The following DPP6 variants were observed in gnomAD, a reference collection of about 807,000 sequenced individuals.
The protein encoded by DPP6 is A-type potassium channel modulatory protein DPP6.
Under a neutral mutation model 122.6 loss-of-function variants are expected in DPP6, and 69 were observed. That is an observed-to-expected ratio of 0.56 (90% CI 0.46 to 0.69). The LOEUF (loss-of-function observed/expected upper bound fraction) is 0.69. DPP6 is among the 30% of genes least tolerant of loss of function. The pLI, the probability that DPP6 is intolerant of heterozygous loss-of-function variation, is 0.00. For synonymous variants in DPP6, 418 were observed against 433.1 expected (o/e 0.97, Z 0.43); for missense variants, 928 against 1,116.9 (o/e 0.83, Z 2.41).
intron 8 of DPP6, among the ~76,000 whole-genome samples, chr7:154,767,779 C>T (rs918522762): frequency 6.6e-6 from 1 of 152,056 alleles, no homozygotes; most frequent in Non-Finnish European, 1.5e-5. Context: ...CTCCATACTC[C>T]GGGATGCACC....
At chr7:154,794,367 T>A (rs1336358229) in intron 11 of DPP6, among the ~76,000 whole-genome samples, 165 bp downstream of exon 11, 1 of 152,200 alleles carries the variant, frequency 6.6e-6, no homozygotes, top group African/African-American at 2.4e-5. Flanking sequence ...CCGGCGTGGC[T>A]GCCACCTCGT....
chr7:154,259,736 G>A (rs1354351091), intron 1 of DPP6, among the ~76,000 whole-genome samples: 6 of 152,164 alleles, frequency 3.9e-5, no homozygotes, highest in South Asian at 2.1e-4. Context: ...TGCTGTCATC[G>A]TTCTGTATCT....
chr7:154,538,225 TC>T (rs1418391618), intron 3 of DPP6, among the ~76,000 whole-genome samples: 4 of 152,158 alleles, frequency 2.6e-5, no homozygotes, highest in Non-Finnish European at 5.9e-5. Context: ...TACGGCATAA[TC>T]TTTTTTATGT....
chr7:154,881,642 C>T lies in DPP6; in HGVS notation c.2133+700C>T, dbSNP rs3800576. On this transcript the variant is annotated intron_variant, in intron 21 of 25. Coordinates refer to ENST00000377770, the MANE Select transcript of DPP6 (RefSeq NM_130797.4). ...AGAGGAGGCCTTGCTGTGACACCCC[C>T]GCAGGTGAAGGCTTGGACAAGTAAT... Among the ~76,000 whole-genome samples the T allele has an allele frequency of 4.7e-4, 72 of 152,352 alleles. No homozygotes were observed. In the East Asian group the frequency reaches 5.6e-3, roughly 12 times the overall value.
intron 1 of DPP6, among the ~76,000 whole-genome samples, chr7:153,903,187 A>G (rs1391318344): frequency 6.6e-6 from 1 of 152,196 alleles, no homozygotes; most frequent in Non-Finnish European, 1.5e-5. Context: ...ACTCAGCCAT[A>G]TACTTGGAGC....
Position 154,483,816 on chromosome 7 carries a change from T to A in DPP6, c.457+8779T>A, listed in dbSNP as rs1003487920. ...TTCAAGCGATTCTCCTGCCTCAGCC[T>A]CCCTAGTAGCTGGGATTACAGGTGC... On this transcript the variant is annotated intron_variant, in intron 3 of 25. Coordinates refer to ENST00000377770, the MANE Select transcript of DPP6 (RefSeq NM_130797.4). This position sits in a 1 kb window ranked among gnomAD's most constrained non-coding sequence, Gnocchi z 8.1. Among the ~76,000 whole-genome samples the A allele has an allele frequency of 6.6e-6, 1 of 152,192 alleles. No homozygotes were observed. Among genetic ancestry groups the A allele is most frequent in the Admixed American group, 6.5e-5 (1 of 15,282 alleles).
In DPP6 at chr7:154,892,966, G is replaced by C. The variant is rs1255434240; in HGVS notation, c.*486G>C. The C allele has an allele frequency of 3.9e-6, 2 of 517,596 alleles. No homozygotes were observed. The highest frequency in any genetic ancestry group is 7.7e-6 in the Non-Finnish European group (2 of 258,526). 32.1% of individuals were successfully genotyped at this position (517,596 alleles called of 1,614,324 possible). A position where few individuals can be genotyped will look rare whatever the true frequency, so the allele number is the denominator to read the frequency against. ...TTTTAGCAGTGCGTGTTCATATATG[G>C]GCTTGCTACTTCCTGTAATGAGGAC... is the stretch of plus-strand genomic sequence containing the variant. On this transcript the variant is annotated 3_prime_UTR_variant, in exon 26 of 26. Transcript: ENST00000377770.
chr7:154,345,657 C>T (rs1369323602), intron 1 of DPP6, among the ~76,000 whole-genome samples: 5 of 152,244 alleles, frequency 3.3e-5, no homozygotes, highest in South Asian at 2.1e-4. Context: ...TTCCTCCTTC[C>T]GCCCCACATT....
intron 8 of DPP6, among the ~76,000 whole-genome samples, chr7:154,766,527 G>A (rs188576693): frequency 2.5e-4 from 38 of 152,154 alleles, no homozygotes; most frequent in Admixed American, 1.5e-3. Context: ...GAATGGTCTC[G>A]AACTCCTGAC....
chr7:154,294,256 G>A lies in DPP6; in HGVS notation c.244-151958G>A, dbSNP rs570516937. 2.0e-5 allele frequency among the ~76,000 whole-genome samples: 3 copies of A among 152,208 alleles called. No homozygotes were observed. In the South Asian group the frequency reaches 6.2e-4, roughly 32 times the overall value. ...CTGGGGTAGGAGGTGACATTTGCACGGGGCACTAAAGGATGATTAGGAGCT... is the reference window on the plus strand; with the variant it reads ...CTGGGGTAGGAGGTGACATTTGCACAGGGCACTAAAGGATGATTAGGAGCT... On this transcript the variant is annotated intron_variant, in intron 1 of 25. Coordinates refer to ENST00000377770, the MANE Select transcript of DPP6 (RefSeq NM_130797.4).
At chr7:153,870,550 A>G in the DPP6 span, among the ~76,000 whole-genome samples, 1 of 152,102 alleles carries the variant, frequency 6.6e-6, no homozygotes. Context: ...TTAGCCATTC[A>G]TCTAATTTTT....
At chr7:153,961,673 C>T (rs1795359693) in intron 1 of DPP6, among the ~76,000 whole-genome samples, 1 of 151,534 alleles carries the variant, frequency 6.6e-6, no homozygotes, top group South Asian at 2.1e-4. Context: ...CTGTACAACT[C>T]CCCATAATAT....
chr7:154,187,931 A>G (rs1798429299), intron 1 of DPP6, among the ~76,000 whole-genome samples: 1 of 152,218 alleles, frequency 6.6e-6, no homozygotes, highest in Admixed American at 6.5e-5. Flanking sequence ...CATGCTCAAT[A>G]AAGCTCACCA....
chr7:154,827,677 C>G (rs112017962), intron 16 of DPP6, among the ~76,000 whole-genome samples: 384 of 115,828 alleles, frequency 3.3e-3, no homozygotes, highest in Middle Eastern at 5.3e-3. Flanking sequence ...GGTGGTGTCG[C>G]AGCCCAAGCA....
At chr7:154,152,652 G>T (rs931448200) in intron 1 of DPP6, among the ~76,000 whole-genome samples, 3 of 152,192 alleles carry the variant, frequency 2.0e-5, no homozygotes, top group African/African-American at 7.2e-5. Flanking sequence ...CTTAACTTCA[G>T]TTCCCTCATC....
chr7:154,317,020 A>G (rs1807489956), intron 1 of DPP6, among the ~76,000 whole-genome samples: 1 of 152,204 alleles, frequency 6.6e-6, no homozygotes, highest in South Asian at 2.1e-4. Flanking sequence ...CAGTATCCCA[A>G]GGTGTAAAGA....
At chr7:153,881,465 T>A in the DPP6 span, among the ~76,000 whole-genome samples, 1 of 152,206 alleles carries the variant, frequency 6.6e-6, no homozygotes, top group Non-Finnish European at 1.5e-5. Context: ...TATAAATGGC[T>A]CTTCTCTAAT....
intron 8 of DPP6, among the ~76,000 whole-genome samples, chr7:154,735,608 T>C (rs1842536118): frequency 6.6e-6 from 1 of 152,230 alleles, no homozygotes; most frequent in African/African-American, 2.4e-5. Context: ...AAAGTATTAA[T>C]GATCTTGACT....
At chr7:154,565,946 T>C (rs1297355444) in intron 4 of DPP6, among the ~76,000 whole-genome samples, 1 of 152,188 alleles carries the variant, frequency 6.6e-6, no homozygotes, top group Non-Finnish European at 1.5e-5. Flanking sequence ...TGGGTATCTG[T>C]GGAGCAATGT....
Sources: gnomAD v4.1 joint callset for allele counts (sites outside exome capture counted in the v4.1 genomes callset) on GRCh38, gnomAD v4.1.1 for gene constraint, Gnocchi (gnomAD v3.1) non-coding constraint, MANE v1.5 for transcripts, NCBI Gene and HGNC (gene_info 2026-07-23, HGNC 2026-07-21) for gene names.